Variants in CLEC2A observed in about 807,000 individuals in gnomAD.
The protein encoded by CLEC2A is keratinocyte-associated C-type lectin.
In CLEC2A, 19 loss-of-function variants were observed where a neutral mutation model predicts 18.6. The ratio of observed to expected loss-of-function variants is 1.02; its 90% confidence interval spans 0.71 to 1.50. The LOEUF (loss-of-function observed/expected upper bound fraction) is 1.50, where lower values mean the gene tolerates loss of function less well. Among genes scored for constraint, CLEC2A ranks in the 40% most tolerant of loss-of-function variants. CLEC2A has a pLI of 0.00. For missense variants in CLEC2A, 190 were observed against 207.9 expected (o/e 0.91, Z 0.53); for synonymous variants, 74 against 64.0 (o/e 1.16, Z -0.75).
At position 9,918,434 on chromosome 12, in the gene CLEC2A, C is replaced by T. The variant is rs544295755; in HGVS notation, c.307-1631G>A. Among the ~76,000 whole-genome samples, 3 of 152,250 alleles carry T rather than the reference C, an allele frequency of 2.0e-5. No homozygotes were observed. The South Asian group carries it at 6.2e-4, about 32-fold the overall frequency. ...AGGTGTGTGTCCTTATTTCTGGGCTCTCTATTCTGTTCCACTGGTCTATGT... is the reference window on the plus strand; with the variant it reads ...AGGTGTGTGTCCTTATTTCTGGGCTTTCTATTCTGTTCCACTGGTCTATGT... On this transcript the variant is annotated intron_variant, in intron 3 of 4. Coordinates refer to ENST00000455827, the MANE Select transcript of CLEC2A (RefSeq NM_001130711.2).
intron 1 of CLEC2A, among the ~76,000 whole-genome samples, chr12:9,928,790 A>G (rs950302588): frequency 7.2e-5 from 11 of 152,228 alleles, no homozygotes; most frequent in Non-Finnish European, 1.5e-4. Context: ...TAAAACCACA[A>G]TGGAATATGA....
chr12:9,913,815 T>C (rs1223879444), intron 4 of CLEC2A, 135 bp from the exon 5 acceptor site: 2 of 573,124 alleles, frequency 3.5e-6, no homozygotes, highest in Admixed American at 6.9e-5. Context: ...CATCACCATA[T>C]GCTGCATTAA....
At chr12:9,924,289 A>C (rs1199767161) in intron 2 of CLEC2A, among the ~76,000 whole-genome samples, 1 of 152,088 alleles carries the variant, frequency 6.6e-6, no homozygotes, top group Non-Finnish European at 1.5e-5. Context: ...TTTTTAATCA[A>C]TGAATAAATG....
exon 5 of CLEC2A, chr12:9,898,676 G>A: frequency 2.2e-6 from 1 of 458,168 alleles, no homozygotes; most frequent in Non-Finnish European, 3.9e-6. Context: ...ACTCCTTCAA[G>A]AAGTTTTCTG....
chr12:9,928,460 G>A (rs148368473), intron 1 of CLEC2A, among the ~76,000 whole-genome samples: 1,928 of 151,836 alleles, frequency 0.013, 19 homozygotes, highest in Non-Finnish European at 0.02. Flanking sequence ...GTGAGGCTCT[G>A]TCTTAAAAAA....
the CLEC2A span, chr12:9,893,397 A>G: frequency 9.3e-7 from 1 of 1,074,096 alleles, no homozygotes; most frequent in Non-Finnish European, 1.3e-6. Flanking sequence ...TTTTAAACAA[A>G]TGAATGAATA....
chr12:9,902,922 T>C (rs111955217), intron 4 of CLEC2A, among the ~76,000 whole-genome samples: 4 of 152,020 alleles, frequency 2.6e-5, no homozygotes, highest in African/African-American at 9.7e-5. Context: ...TAGACACGTG[T>C]TGGGGGAGAA....
chr12:9,905,711 T>A (rs1307352259), intron 4 of CLEC2A, among the ~76,000 whole-genome samples: 1 of 152,186 alleles, frequency 6.6e-6, no homozygotes, highest in Non-Finnish European at 1.5e-5. Flanking sequence ...GGTATTCCCA[T>A]TTTATTTCTA....
downstream of CLEC2A, among the ~76,000 whole-genome samples, chr12:9,911,247 A>G (rs1400121279): frequency 1.4e-4 from 22 of 152,156 alleles, no homozygotes; most frequent in Admixed American, 1.4e-3. Flanking sequence ...AAGGAAAGGA[A>G]TGTAGAGTGA....
the CLEC2A span, among the ~76,000 whole-genome samples, chr12:9,891,520 C>T: frequency 2.0e-5 from 3 of 152,128 alleles, no homozygotes; most frequent in Non-Finnish European, 2.9e-5. Context: ...TTATTTCATC[C>T]AAGTGGCACA....
chr12:9,926,477 G>A, intron 1 of CLEC2A, 134 bp from the exon 2 acceptor site: 1 of 624,800 alleles, frequency 1.6e-6, no homozygotes, highest in Non-Finnish European at 2.8e-6. Flanking sequence ...AAATAACAAA[G>A]GATAGCAAAC....
chr12:9,916,725 T>A lies in CLEC2A; in HGVS notation c.385A>T (p.Thr129Ser). The change falls in exon 4 of 5, where the codon ACA (threonine) becomes TCA (serine). Residue 129 changes from threonine to serine, a missense_variant. Transcript: ENST00000455827. ...SRKQGDSWKW[T>S]NGTTFNGWFE... ...CAACCATTGAATGTGGTGCCATTTG[T>A]CCATTTCCAAGAATCTCCTTGTTTC... is the stretch of plus-strand genomic sequence containing the variant. 1 of 1,549,946 alleles carries A rather than the reference T, an allele frequency of 6.5e-7. No individual in the cohort carries two copies. Among genetic ancestry groups the A allele is most frequent in the Non-Finnish European group, 8.7e-7 (1 of 1,145,368 alleles).
At chr12:9,879,281 T>C in the CLEC2A span, among the ~76,000 whole-genome samples, 80,401 of 152,070 alleles carry the variant, frequency 0.53, 23,127 homozygotes, top group Non-Finnish European at 0.65. Context: ...AGATTCATTG[T>C]GTCTTACCCA....
intron 2 of CLEC2A, among the ~76,000 whole-genome samples, chr12:9,924,409 A>G (rs1863230399): frequency 1.3e-5 from 2 of 152,202 alleles, no homozygotes; most frequent in Non-Finnish European, 1.5e-5. Flanking sequence ...TATAAACAAG[A>G]AGACTATCAG....
At chr12:9,896,854 C>T (rs189393100), downstream of CLEC2A, among the ~76,000 whole-genome samples, 145 of 148,520 alleles carry the variant, frequency 9.8e-4, 1 homozygote, top group Admixed American at 7.1e-3. Flanking sequence ...GATACAGTCT[C>T]TTAATTTTTT....
At chr12:9,884,635 A>G in the CLEC2A span, among the ~76,000 whole-genome samples, 3 of 148,950 alleles carry the variant, frequency 2.0e-5, no homozygotes, top group Admixed American at 2.0e-4. Flanking sequence ...ACAAATATTT[A>G]TATCATATAT....
chr12:9,888,054 C>CAAAAA, the CLEC2A span, among the ~76,000 whole-genome samples: 1 of 65,524 alleles, frequency 1.5e-5, no homozygotes, highest in African/African-American at 7.3e-5. Flanking sequence ...GACCCTGTGT[C>CAAAAA]AAAAAAAAAA....
chr12:9,880,671 G>A, the CLEC2A span, among the ~76,000 whole-genome samples: 1 of 152,152 alleles, frequency 6.6e-6, no homozygotes, highest in Non-Finnish European at 1.5e-5. Context: ...AAAGTCCACC[G>A]TCTGTAGAAT....
chr12:9,928,848 G>A (rs2137057813), intron 1 of CLEC2A, among the ~76,000 whole-genome samples: 1 of 152,326 alleles, frequency 6.6e-6, no homozygotes, highest in Non-Finnish European at 1.5e-5. Context: ...ACAGCACCAA[G>A]TGTTAGCAGG....
Sources: allele counts gnomAD v4.1 joint callset (sites outside exome capture counted in the v4.1 genomes callset), GRCh38; gene constraint gnomAD v4.1.1; transcripts MANE v1.5; gene names NCBI Gene and HGNC (gene_info 2026-07-23, HGNC 2026-07-21).